Variants in NFRKB observed in about 807,000 individuals in gnomAD.
NFRKB encodes nuclear factor related to kappaB binding protein.
Under a neutral mutation model 135.7 loss-of-function variants are expected in NFRKB, and 62 were observed. The observed-to-expected ratio is 0.46, with a 90% CI of 0.37 to 0.56. The LOEUF (loss-of-function observed/expected upper bound fraction) is 0.56, where lower values mean the gene tolerates loss of function less well. NFRKB is among the 20% of genes least tolerant of loss of function. The probability of loss-of-function intolerance (pLI) is 0.00; values close to 1 mark genes in which losing one functional copy is unlikely to be tolerated. For missense variants in NFRKB, 1,545 were observed against 1,662.0 expected, an observed-to-expected ratio of 0.93 and a Z score of 1.22; for synonymous variants, 678 against 635.6, an observed-to-expected ratio of 1.07 and a Z score of -1.00.
rs770471073 is a variant in NFRKB, at chr11:129,873,708, A to T, written c.2550+37T>A. Reference sequence around the variant, plus strand: ...CTCATCAGCCCACCTCTGGGTCTGCATCTCTGCTTCCCAATGACCACGGCT... The same window carrying T: ...CTCATCAGCCCACCTCTGGGTCTGCTTCTCTGCTTCCCAATGACCACGGCT... On this transcript the variant is annotated intron_variant, in intron 22 of 26. Transcript: ENST00000682444. 13 of 1,600,360 alleles carry T rather than the reference A, an allele frequency of 8.1e-6. No homozygotes were observed. The African/African-American group carries it at 1.5e-4, about 18-fold the overall frequency.
rs140331078 is a variant in NFRKB, at chr11:129,867,903, G to A, written c.3531+1591C>T. ...ATGATAAATGCAGCCTTTCAAGCTA[G>A]TGGGGGAAGCAATAGTTGATTATTT... On this transcript the variant is annotated intron_variant, in intron 24 of 26. Coordinates refer to ENST00000682444, the MANE Select transcript of NFRKB (RefSeq NM_001143835.2). 2.9e-3 allele frequency among the ~76,000 whole-genome samples: 441 copies of A among 152,308 alleles called. 1 individual carries two copies. The highest frequency in any genetic ancestry group is 5.1e-3 in the Non-Finnish European group (350 of 68,030).
rs866040705 is a variant in NFRKB at position 129,883,194 on chromosome 11, G to T, written c.829C>A (p.Leu277Ile). ...TTGAGAGTCAGGTCCCCTGTCAAAA[G>T]GTCCGGGTGATCCTAGATGTGATAT... is the stretch of plus-strand genomic sequence containing the variant. Reference protein sequence around the residue: ...KRKHQPDHPDLLTGDLTLNDI... With the variant: ...KRKHQPDHPDILTGDLTLNDI... Residue 277 changes from leucine to isoleucine, a missense_variant, in exon 9 of 27, where the codon CTT becomes ATT. This residue lies in a region of NFRKB where 678 missense variants were observed against 646.7 expected (regional missense o/e 1.05). Transcript: ENST00000682444. 6.2e-7 allele frequency: 1 copy of T among 1,614,090 alleles called. No homozygotes were observed. Among genetic ancestry groups the T allele is most frequent in the Non-Finnish European group, 8.5e-7 (1 of 1,180,008 alleles).
At chr11:129,871,395 A>G (rs1350114882) in intron 23 of NFRKB, among the ~76,000 whole-genome samples, 1 of 152,138 alleles carries the variant, frequency 6.6e-6, no homozygotes, top group African/African-American at 2.4e-5. Flanking sequence ...GGCCCAGTGA[A>G]GCCCACGCAT....
intron 24 of NFRKB, among the ~76,000 whole-genome samples, chr11:129,868,535 T>C (rs1032360106): frequency 2.0e-5 from 3 of 152,222 alleles, no homozygotes; most frequent in African/African-American, 4.8e-5. Context: ...CAACTCTCCA[T>C]GTGCGCACCC....
At chr11:129,885,286 G>A (rs1210123050) in intron 6 of NFRKB, 149 bp downstream of exon 6, 4 of 825,044 alleles carry the variant, frequency 4.8e-6, no homozygotes, top group East Asian at 2.7e-5. Context: ...AAAGACCAAG[G>A]CCTTCTGAGT....
intron 18 of NFRKB, among the ~76,000 whole-genome samples, chr11:129,875,145 G>GT (rs1428838171): frequency 1.3e-5 from 2 of 152,208 alleles, no homozygotes; most frequent in Admixed American, 1.3e-4. Context: ...TGTGAAGTAA[G>GT]TGACCAGTCT....
At position 129,864,457 on chromosome 11, in the gene NFRKB, T is replaced by TA. The variant is rs1381106666; in HGVS notation, c.*267dup. 7.5e-6 allele frequency: 3 copies of TA among 401,588 alleles called. No homozygotes were observed. The East Asian group carries it at 1.4e-4, about 19-fold the overall frequency. 24.9% of individuals were successfully genotyped at this position (401,588 alleles called of 1,614,324 possible). Reference sequence around the variant, plus strand: ...TCTCAGAACTCTGGCTTGTTGGACGTAACTGGTAATTCCTGCAATTTCAAC... The same window carrying TA: ...TCTCAGAACTCTGGCTTGTTGGACGTAAACTGGTAATTCCTGCAATTTCAAC... On this transcript the variant is annotated 3_prime_UTR_variant, in exon 27 of 27. Transcript: ENST00000682444.
intron 13 of NFRKB, among the ~76,000 whole-genome samples, chr11:129,880,803 T>A (rs888023345): frequency 6.6e-6 from 1 of 152,200 alleles, no homozygotes; most frequent in African/African-American, 2.4e-5. Context: ...GCTGAATAAA[T>A]GTAATAAATA....
chr11:129,864,652 G>A lies in NFRKB; in HGVS notation c.*73C>T. On this transcript the variant is annotated 3_prime_UTR_variant, in exon 27 of 27. Coordinates refer to ENST00000682444, the MANE Select transcript of NFRKB (RefSeq NM_001143835.2). The stretch of plus-strand genomic sequence containing the variant: ...GAACAGGCAAGCTTAAAACAATGAT[G>A]CAACCTCCCTGGTCCCTTCTCAGCC... 2 of 1,596,712 alleles carry A rather than the reference G, an allele frequency of 1.3e-6. No homozygotes were observed. Among genetic ancestry groups the A allele is most frequent in the East Asian group, 4.5e-5 (2 of 44,584 alleles).
Position 129,894,385 on chromosome 11 carries a change from GAGGAAGGGA to G in NFRKB, c.-57_-49del, listed in dbSNP as rs1949684091. 6.6e-6 allele frequency: 1 copy of G among 152,190 alleles called. No homozygotes were observed. 9.4% of individuals were successfully genotyped at this position (152,190 alleles called of 1,614,324 possible). Reference sequence around the variant, plus strand: ...ACGCCAGGTGTCAATTTCCTTATTTGAGGAAGGGAAGCTGGACCAGGTCCTCCCTCCCGT... The same window carrying G: ...ACGCCAGGTGTCAATTTCCTTATTTGAGCTGGACCAGGTCCTCCCTCCCGT... On this transcript the variant is annotated 5_prime_UTR_variant, in exon 2 of 27. Coordinates refer to ENST00000682444, the MANE Select transcript of NFRKB (RefSeq NM_001143835.2).
intron 17 of NFRKB, 142 bp downstream of exon 17, chr11:129,876,579 C>A (rs753998765): frequency 1.3e-5 from 11 of 833,828 alleles, no homozygotes; most frequent in Admixed American, 3.2e-5. Context: ...AGCTCCCAAA[C>A]TGCAATGCTT....
intron 13 of NFRKB, among the ~76,000 whole-genome samples, chr11:129,879,585 C>G (rs1206171685): frequency 1.3e-5 from 2 of 152,206 alleles, no homozygotes; most frequent in Non-Finnish European, 2.9e-5. Flanking sequence ...TGACCACTCC[C>G]CACTTCTCAG....
Position 129,877,385 on chromosome 11 carries a change from T to C in NFRKB, c.1512A>G (p.Val504=), listed in dbSNP as rs200767687. Reference sequence around the variant, plus strand: ...TGGGACGCACCACATAGTCAGTTCTTCTGGAATATAAAGAATTCTGTATCA... The same window carrying C: ...TGGGACGCACCACATAGTCAGTTCTCCTGGAATATAAAGAATTCTGTATCA... ...SSDATTPVPR[V]RTDYVVRPST... The change falls in exon 16 of 27, where the codon GTA becomes GTG. Residue 504 remains valine, a splice_region_variant and synonymous_variant. Transcript: ENST00000682444. 8.2e-5 allele frequency: 132 copies of C among 1,614,146 alleles called. 1 individual carries two copies. In the Middle Eastern group the frequency reaches 9.2e-3, roughly 113 times the overall value.
intron 8 of NFRKB, 55 bp from the exon 9 acceptor site, chr11:129,883,261 A>G: frequency 7.0e-7 from 1 of 1,434,910 alleles, no homozygotes; most frequent in Non-Finnish European, 9.8e-7. Flanking sequence ...GCAAAAACTG[A>G]GGTGACTTTG....
intron 4 of NFRKB, among the ~76,000 whole-genome samples, chr11:129,887,623 G>A (rs1949338523): frequency 1.3e-5 from 2 of 152,292 alleles, no homozygotes; most frequent in African/African-American, 4.8e-5. Context: ...AAGGGGCAAA[G>A]CGCCCTACCT....
chr11:129,887,060 T>G (rs1949313580), intron 4 of NFRKB, among the ~76,000 whole-genome samples: 1 of 152,192 alleles, frequency 6.6e-6, no homozygotes, highest in African/African-American at 2.4e-5. Context: ...GTTGTCAAGT[T>G]TAACAGAATT....
chr11:129,875,282 A>G (rs984991907), intron 18 of NFRKB, 75 bp downstream of exon 18: 3 of 1,217,334 alleles, frequency 2.5e-6, no homozygotes, highest in African/African-American at 3.1e-5. Context: ...AAATTTTGTT[A>G]TATTTTGTAT....
At position 129,890,434 on chromosome 11, in the gene NFRKB, A is replaced by G. The variant is rs942095396; in HGVS notation, c.136-1639T>C. Among the ~76,000 whole-genome samples, 3 of 152,162 alleles carry G rather than the reference A, an allele frequency of 2.0e-5. No individual in the cohort carries two copies. The South Asian group carries it at 6.2e-4, about 31-fold the overall frequency. ...AGTATGCCAAGAAAACATGGATGGGAAGTATATACACCAACTGCAGTACAG... is the reference window on the plus strand; with the variant it reads ...AGTATGCCAAGAAAACATGGATGGGGAGTATATACACCAACTGCAGTACAG... On this transcript the variant is annotated intron_variant, in intron 3 of 26. Transcript: ENST00000682444.
chr11:129,876,244 T>C (rs1434343750), intron 17 of NFRKB, among the ~76,000 whole-genome samples: 2 of 152,244 alleles, frequency 1.3e-5, no homozygotes, highest in Non-Finnish European at 1.5e-5. Context: ...TATAACATCA[T>C]AGTAACAACA....
Sources: allele counts gnomAD v4.1 joint callset (sites outside exome capture counted in the v4.1 genomes callset), GRCh38; gene constraint gnomAD v4.1.1; regional missense constraint gnomAD v4.1.1; transcripts MANE v1.5; gene names NCBI Gene and HGNC (gene_info 2026-07-23, HGNC 2026-07-21).